The following C12orf42 variants were observed in gnomAD, a reference collection of about 807,000 sequenced individuals.
C12orf42 encodes the protein chromosome 12 open reading frame 42.
In C12orf42, 25 loss-of-function variants were observed where a neutral mutation model predicts 21.6. The observed-to-expected ratio is 1.16, with a 90% confidence interval of 0.84 to 1.62. The LOEUF is 1.62. C12orf42 is among the 40% of genes most tolerant of loss of function. The pLI is 0.00. For missense variants in C12orf42, 483 were observed against 459.3 expected (o/e 1.05, Z -0.47); for synonymous variants, 174 against 175.0 (o/e 0.99, Z 0.05).
the C12orf42 span, among the ~76,000 whole-genome samples, chr12:103,209,001 C>A: frequency 2.0e-5 from 3 of 152,000 alleles, no homozygotes; most frequent in Admixed American, 6.6e-5. Context: ...TGTCTTAAAC[C>A]AATTTCATCA....
chr12:103,322,143 A>G (rs1009509785), intron 4 of C12orf42, among the ~76,000 whole-genome samples: 8 of 150,110 alleles, frequency 5.3e-5, no homozygotes, highest in Middle Eastern at 3.4e-3. Flanking sequence ...ACACACACAC[A>G]CACACACGCA....
At chr12:103,107,240 A>G in the C12orf42 span, among the ~76,000 whole-genome samples, 536 of 152,096 alleles carry the variant, frequency 3.5e-3, 6 homozygotes, top group African/African-American at 0.012. Flanking sequence ...AAGTCACGAA[A>G]AATTTTGCAA....
At chr12:103,453,910 A>C (rs1952118597) in intron 2 of C12orf42, among the ~76,000 whole-genome samples, 1 of 152,096 alleles carries the variant, frequency 6.6e-6, no homozygotes, top group South Asian at 2.1e-4. Flanking sequence ...TTTACTCAAC[A>C]TAAGCACTTA....
At chr12:103,428,111 C>G (rs1592758752) in intron 2 of C12orf42, among the ~76,000 whole-genome samples, 1 of 151,782 alleles carries the variant, frequency 6.6e-6, no homozygotes, top group African/African-American at 2.4e-5. Context: ...AGAAGAATAA[C>G]TAAGATCAGA....
chr12:103,071,533 C>T, the C12orf42 span, among the ~76,000 whole-genome samples: 91 of 152,188 alleles, frequency 6.0e-4, no homozygotes, highest in Admixed American at 1.4e-3. Flanking sequence ...TAATAATCCC[C>T]ATGTGTCAAG....
chr12:103,226,391 A>G, the C12orf42 span, among the ~76,000 whole-genome samples: 1 of 152,210 alleles, frequency 6.6e-6, no homozygotes, highest in African/African-American at 2.4e-5. Context: ...TAAAATGTAT[A>G]TTGAGAATAA....
chr12:103,495,371 C>T (rs990485091), intron 1 of C12orf42, among the ~76,000 whole-genome samples: 3 of 152,058 alleles, frequency 2.0e-5, no homozygotes, highest in Non-Finnish European at 4.4e-5. Context: ...AAGAGCAAGG[C>T]GGGGCGTGCC....
At chr12:103,367,792 C>A (rs1180218111) in intron 4 of C12orf42, among the ~76,000 whole-genome samples, 1 of 151,804 alleles carries the variant, frequency 6.6e-6, no homozygotes, top group African/African-American at 2.4e-5. Context: ...ATTTTCAGTT[C>A]TTTTTAAGTA....
chr12:103,547,018 G>A, the C12orf42 span, among the ~76,000 whole-genome samples: 1 of 152,134 alleles, frequency 6.6e-6, no homozygotes, highest in African/African-American at 2.4e-5. Context: ...AAAACACTCA[G>A]ACTTAACCAC....
At chr12:103,280,615 T>A (rs927300395) in intron 4 of C12orf42, among the ~76,000 whole-genome samples, 1 of 150,634 alleles carries the variant, frequency 6.6e-6, no homozygotes, top group South Asian at 2.1e-4. Context: ...TGAGACTCCA[T>A]CTCCACACAA....
the C12orf42 span, among the ~76,000 whole-genome samples, chr12:103,129,198 G>GGAGAGA: frequency 4.6e-5 from 7 of 152,168 alleles, no homozygotes; most frequent in East Asian, 1.9e-4. Flanking sequence ...GTAGAAACAC[G>GGAGAGA]GAGAGAGAGA....
the C12orf42 span, among the ~76,000 whole-genome samples, chr12:103,103,910 C>T: frequency 6.6e-6 from 1 of 151,968 alleles, no homozygotes; most frequent in Admixed American, 6.5e-5. Flanking sequence ...AAGCGATTCT[C>T]CTGCCTCAGC....
At chr12:103,195,428 T>A in the C12orf42 span, among the ~76,000 whole-genome samples, 1 of 152,154 alleles carries the variant, frequency 6.6e-6, no homozygotes, top group Non-Finnish European at 1.5e-5. Context: ...ATAAGCATCC[T>A]CTTTTCTCCA....
At chr12:103,510,426 G>C in the C12orf42 span, among the ~76,000 whole-genome samples, 1 of 151,574 alleles carries the variant, frequency 6.6e-6, no homozygotes, top group African/African-American at 2.4e-5. Context: ...TTGGGTGATG[G>C]GCACACCAAA....
Position 103,437,207 on chromosome 12 carries a change from C to T in C12orf42, c.79-35532G>A, listed in dbSNP as rs527453743. ...AAATAAAGATGTTCTTTGAAACCAG[C>T]GAGAACAAAGACACAACATACCAGA... On this transcript the variant is annotated intron_variant, in intron 2 of 5. Coordinates refer to ENST00000548883, the MANE Select transcript of C12orf42 (RefSeq NM_198521.5). Among the ~76,000 whole-genome samples, 12 of 152,068 alleles carry T rather than the reference C, an allele frequency of 7.9e-5. No individual in the cohort carries two copies. The East Asian group carries it at 1.4e-3, about 17-fold the overall frequency.
At chr12:103,279,912 G>A (rs1459114412) in intron 4 of C12orf42, among the ~76,000 whole-genome samples, 1 of 152,120 alleles carries the variant, frequency 6.6e-6, no homozygotes, top group African/African-American at 2.4e-5. Context: ...TAATAACATG[G>A]GAACTAAGAC....
At chr12:103,086,723 G>T in the C12orf42 span, among the ~76,000 whole-genome samples, 1 of 151,592 alleles carries the variant, frequency 6.6e-6, no homozygotes, top group African/African-American at 2.4e-5. Flanking sequence ...TTTCTGATTC[G>T]CTTACACTGC....
intron 5 of C12orf42, among the ~76,000 whole-genome samples, chr12:103,302,804 A>T (rs1593341546): frequency 6.6e-6 from 1 of 152,138 alleles, no homozygotes; most frequent in East Asian, 1.9e-4. Context: ...CAAAAAAAAA[A>T]ATAGCTTTTG....
chr12:103,110,044 A>G, the C12orf42 span, among the ~76,000 whole-genome samples: 2 of 152,228 alleles, frequency 1.3e-5, no homozygotes, highest in Admixed American at 6.5e-5. Flanking sequence ...GTCTCAAAAA[A>G]TAAAAAATAA....
Sources: gnomAD v4.1 joint callset for allele counts (sites outside exome capture counted in the v4.1 genomes callset) on GRCh38, gnomAD v4.1.1 for gene constraint, MANE v1.5 for transcripts, NCBI Gene and HGNC (gene_info 2026-07-23, HGNC 2026-07-21) for gene names.